Variants in KDM4C observed in about 807,000 individuals in gnomAD.
The protein encoded by KDM4C is lysine-specific demethylase 4C.
KDM4C carries 81 observed loss-of-function variants against 129.3 expected under a neutral mutation model. That is an observed-to-expected ratio of 0.63 (90% confidence interval 0.52 to 0.75). The LOEUF is 0.75. KDM4C is among the 30% of genes least tolerant of loss of function. KDM4C has a pLI of 0.00. For synonymous variants in KDM4C, 573 were observed against 456.1 expected, an observed-to-expected ratio of 1.26 and a Z score of -3.26; for missense variants, 1,457 against 1,304.0, an observed-to-expected ratio of 1.12 and a Z score of -1.81.
chr9:7,022,032 T>C (rs1344620913), intron 15 of KDM4C, among the ~76,000 whole-genome samples: 1 of 152,178 alleles, frequency 6.6e-6, no homozygotes, highest in East Asian at 1.9e-4. Context: ...TTTTATGCCA[T>C]TACCATGTCA....
chr9:6,861,356 C>T (rs1245428881), intron 5 of KDM4C, among the ~76,000 whole-genome samples: 1 of 152,180 alleles, frequency 6.6e-6, no homozygotes, highest in Admixed American at 6.5e-5. Flanking sequence ...TGTGCAGTTT[C>T]ATGCTTCTTT....
At chr9:6,823,717 G>C (rs775604123) in intron 4 of KDM4C, among the ~76,000 whole-genome samples, 4 of 152,172 alleles carry the variant, frequency 2.6e-5, no homozygotes, top group Non-Finnish European at 5.9e-5. Context: ...CACTGCAAAA[G>C]GAATTTCTCT....
At chr9:6,823,974 C>G (rs955354859) in intron 4 of KDM4C, among the ~76,000 whole-genome samples, 3 of 152,296 alleles carry the variant, frequency 2.0e-5, no homozygotes, top group Admixed American at 2.0e-4. Context: ...AATGCCAATA[C>G]ACTTAATGTG....
intron 17 of KDM4C, among the ~76,000 whole-genome samples, chr9:7,067,278 C>T (rs1179285582): frequency 1.3e-5 from 2 of 152,212 alleles, no homozygotes; most frequent in Admixed American, 6.5e-5. Context: ...TGGGGGACCC[C>T]TTCTTCCTAT....
chr9:7,138,278 C>G (rs1318662269), intron 19 of KDM4C, among the ~76,000 whole-genome samples: 1 of 152,268 alleles, frequency 6.6e-6, no homozygotes, highest in African/African-American at 2.4e-5. Context: ...TGTGTTTCTG[C>G]AAATCAATTT....
intron 17 of KDM4C, among the ~76,000 whole-genome samples, chr9:7,054,531 A>C (rs1213753751): frequency 6.6e-6 from 1 of 152,238 alleles, no homozygotes; most frequent in Non-Finnish European, 1.5e-5. Flanking sequence ...ATAACAAATG[A>C]TGTTTTTATG....
At chr9:7,078,894 C>G (rs10976030) in intron 17 of KDM4C, among the ~76,000 whole-genome samples, 1 of 152,138 alleles carries the variant, frequency 6.6e-6, no homozygotes, top group African/African-American at 2.4e-5. Context: ...GTACTCACAG[C>G]TAAGATTTAT....
At chr9:6,726,219 C>T (rs35541686) in intron 1 of KDM4C, among the ~76,000 whole-genome samples, 13,171 of 152,180 alleles carry the variant, frequency 0.087, 742 homozygotes, top group Non-Finnish European at 0.12. Context: ...CCACCACAAC[C>T]GGCCAGATTC....
intron 11 of KDM4C, chr9:6,986,951 G>A (rs528062314): frequency 1.9e-5 from 6 of 308,458 alleles, no homozygotes; most frequent in Admixed American, 4.6e-5. Context: ...TTGTAGACTC[G>A]TATGCAGTTG....
At chr9:6,804,470 A>T (rs1422572382) in intron 2 of KDM4C, among the ~76,000 whole-genome samples, 1 of 152,222 alleles carries the variant, frequency 6.6e-6, no homozygotes, top group Non-Finnish European at 1.5e-5. Flanking sequence ...TATAAAGAAT[A>T]TAATGTTGGC....
intron 17 of KDM4C, among the ~76,000 whole-genome samples, chr9:7,096,464 A>G (rs1403637111): frequency 6.6e-6 from 1 of 152,136 alleles, no homozygotes; most frequent in Non-Finnish European, 1.5e-5. Context: ...GTTCACTTCT[A>G]TCTGTTTGGG....
chr9:6,933,333 C>G (rs892749204), intron 8 of KDM4C, among the ~76,000 whole-genome samples: 1 of 152,080 alleles, frequency 6.6e-6, no homozygotes, highest in Non-Finnish European at 1.5e-5. Flanking sequence ...AGATAAATAC[C>G]AGCATTACTT....
At chr9:7,076,734 A>C in intron 17 of KDM4C, 1 of 1,189,860 alleles carries the variant, frequency 8.4e-7, no homozygotes, top group South Asian at 3.3e-5. Flanking sequence ...TGTGGGGTAA[A>C]ATGACTTCCT....
At chr9:7,086,374 T>A (rs888519246) in intron 17 of KDM4C, among the ~76,000 whole-genome samples, 2 of 152,202 alleles carry the variant, frequency 1.3e-5, no homozygotes, top group African/African-American at 4.8e-5. Context: ...TATTACTCTG[T>A]TGAGTAAATA....
intron 11 of KDM4C, among the ~76,000 whole-genome samples, chr9:6,989,398 A>C (rs1436922041): frequency 6.6e-6 from 1 of 152,108 alleles, no homozygotes; most frequent in Admixed American, 6.6e-5. Flanking sequence ...CTGCCTTTAA[A>C]AATTTTGCGT....
chr9:7,125,117 C>G (rs565328822), intron 18 of KDM4C, among the ~76,000 whole-genome samples: 152 of 152,274 alleles, frequency 1.0e-3, no homozygotes, highest in African/African-American at 3.4e-3. Flanking sequence ...TGTTCTCCCC[C>G]ACCCCCAGTG....
At chr9:7,046,747 C>T in intron 15 of KDM4C, 115 bp from the exon 16 acceptor site, 1 of 793,546 alleles carries the variant, frequency 1.3e-6, no homozygotes, top group East Asian at 2.5e-5. Flanking sequence ...CATGTAATTC[C>T]TGATGGTTTT....
At chr9:7,132,169 A>AT (rs1409948885) in intron 19 of KDM4C, among the ~76,000 whole-genome samples, 1 of 152,176 alleles carries the variant, frequency 6.6e-6, no homozygotes, top group Non-Finnish European at 1.5e-5. Flanking sequence ...ATCCCAAGCT[A>AT]TTTATCTATG....
chr9:6,974,504 T>C (rs920443642), intron 8 of KDM4C, among the ~76,000 whole-genome samples: 2 of 152,154 alleles, frequency 1.3e-5, no homozygotes, highest in African/African-American at 4.8e-5. Context: ...ATTACAGGCA[T>C]GTGCCACCAT....
Sources: allele counts gnomAD v4.1 joint callset (sites outside exome capture counted in the v4.1 genomes callset), GRCh38; gene constraint gnomAD v4.1.1; transcripts MANE v1.5; gene names NCBI Gene and HGNC (gene_info 2026-07-23, HGNC 2026-07-21).